Variants in KANTR observed in about 807,000 individuals in gnomAD.
KANTR encodes the protein KANTR integral membrane protein.
chrX:53,112,437 G>T (rs973818539), intron 2 of KANTR, among the ~76,000 whole-genome samples: 1 of 112,050 alleles, frequency 8.9e-6, no homozygotes, highest in South Asian at 3.7e-4. Flanking sequence ...ATAAACATGC[G>T]TGTGCAAGTG....
intron 2 of KANTR, among the ~76,000 whole-genome samples, chrX:53,118,122 G>A (rs1408928288): frequency 9.0e-6 from 1 of 111,385 alleles, no homozygotes; most frequent in Non-Finnish European, 1.9e-5. Context: ...GCATTCTTAG[G>A]TGTATCTCCT....
chrX:53,129,268 T>TGTGTGTGTGTGTGTGTGTGTGTGTGTGTG (rs1569239787), downstream of KANTR, among the ~76,000 whole-genome samples: 1 of 106,402 alleles, frequency 9.4e-6, no homozygotes, highest in African/African-American at 3.4e-5. Flanking sequence ...TGTGTGTGTG[T>TGTGTGTGTGTGTGTGTGTGTGTGTGTGTG]TTAGTAGAGA....
At chrX:53,135,383 TGTCCCCCAGTCCTA>T (rs1933408460) in intron 2 of KANTR, among the ~76,000 whole-genome samples, 1 of 111,857 alleles carries the variant, frequency 8.9e-6, no homozygotes, top group South Asian at 3.7e-4. Context: ...TCCCTCCTTT[TGTCCCCCAGTCCTA>T]GTGTCCCTAT....
chrX:53,107,158 G>T (rs1226352520), intron 2 of KANTR, among the ~76,000 whole-genome samples: 1 of 107,934 alleles, frequency 9.3e-6, no homozygotes, highest in African/African-American at 3.5e-5. Flanking sequence ...ATTTTCATAG[G>T]AATTTTAGGA....
intron 2 of KANTR, among the ~76,000 whole-genome samples, chrX:53,109,916 G>A (rs1376681679): frequency 9.1e-6 from 1 of 109,947 alleles, no homozygotes; most frequent in Non-Finnish European, 1.9e-5. Flanking sequence ...ACCATGCCTG[G>A]CTAAGTTTTA....
At chrX:53,113,943 G>C (rs914512308) in intron 2 of KANTR, among the ~76,000 whole-genome samples, 6 of 109,995 alleles carry the variant, frequency 5.5e-5, no homozygotes, top group African/African-American at 2.0e-4. Context: ...CTGTCACCCA[G>C]GCTGGAGTGC....
chrX:53,143,850 C>G (rs140339674), downstream of KANTR: 1,048 of 474,446 alleles, frequency 2.2e-3, 1 homozygote, highest in Non-Finnish European at 1.4e-3. Flanking sequence ...CCATCCCCAG[C>G]AAAGCCAGCT....
At chrX:53,114,919 G>A (rs1265033535) in intron 2 of KANTR, among the ~76,000 whole-genome samples, 2 of 110,367 alleles carry the variant, frequency 1.8e-5, no homozygotes, top group Admixed American at 9.6e-5. Flanking sequence ...TTGGCCATGA[G>A]GACCACCCTG....
At position 53,108,694 on chromosome X, in the gene KANTR, C is replaced by A. The variant is rs782026022; in HGVS notation, c.-805+9086C>A. On this transcript the variant is annotated intron_variant, in intron 2 of 2. Coordinates refer to ENST00000604062, the Ensembl canonical transcript of KANTR. The stretch of plus-strand genomic sequence containing the variant: ...TAGAGATAGTTTCACTTTTTTCTTT[C>A]CTGTCTGAATGCCTTTTTTTTTTTG... Among the ~76,000 whole-genome samples, 3 of 93,949 alleles carry A rather than the reference C, an allele frequency of 3.2e-5. No individual in the cohort carries two copies. In the South Asian group the frequency reaches 1.7e-3, roughly 52 times the overall value. 81.6% of individuals were successfully genotyped at this position (93,949 alleles called of 115,157 possible).
chrX:53,103,123 T>C (rs1414498876), intron 2 of KANTR, among the ~76,000 whole-genome samples: 1 of 109,158 alleles, frequency 9.2e-6, no homozygotes, highest in Non-Finnish European at 1.9e-5. Context: ...TAGCTGAGAT[T>C]ACAGGCGCCT....
At chrX:53,132,555 A>T (rs1933372185) in intron 2 of KANTR, among the ~76,000 whole-genome samples, 1 of 112,365 alleles carries the variant, frequency 8.9e-6, no homozygotes, top group South Asian at 3.6e-4. Context: ...AAAAAGCTGG[A>T]TCATGCCAAG....
At chrX:53,132,150 A>G (rs1556817106), downstream of KANTR, among the ~76,000 whole-genome samples, 1 of 112,269 alleles carries the variant, frequency 8.9e-6, no homozygotes, top group Non-Finnish European at 1.9e-5. Context: ...AAAACTTAGT[A>G]TTGTTATGAT....
At chrX:53,109,152 A>ATGACC (rs1569235336) in intron 2 of KANTR, among the ~76,000 whole-genome samples, 1 of 112,573 alleles carries the variant, frequency 8.9e-6, no homozygotes, top group Non-Finnish European at 1.9e-5. Flanking sequence ...TTTCCAATTC[A>ATGACC]TGACCACAGG....
At chrX:53,106,675 T>C in intron 2 of KANTR, among the ~76,000 whole-genome samples, 1 of 110,908 alleles carries the variant, frequency 9.0e-6, no homozygotes, top group Admixed American at 9.5e-5. Flanking sequence ...GTGCTGGGAT[T>C]ACAGACATAC....
intron 1 of KANTR, among the ~76,000 whole-genome samples, chrX:53,096,667 A>C (rs782098535): frequency 9.1e-6 from 1 of 109,752 alleles, no homozygotes. Context: ...CTCTACAAAA[A>C]ATACAAAAAT....
rs1361160182 is a variant in KANTR, at chrX:53,140,689, C to CA, written n.204-1152dup. On this transcript the variant is annotated intron_variant and non_coding_transcript_variant, in intron 2 of 2. Coordinates refer to the KANTR transcript ENST00000366185. ...CCTCCAAATTAGAAGTTTCCAAGGGCAAAAAAAGTGCAAGCCTTCTCTCAT... is the reference window on the plus strand; with the variant it reads ...CCTCCAAATTAGAAGTTTCCAAGGGCAAAAAAAAGTGCAAGCCTTCTCTCAT... Among the ~76,000 whole-genome samples, 3 of 110,089 alleles carry CA rather than the reference C, an allele frequency of 2.7e-5. No individual in the cohort carries two copies. In the Admixed American group the frequency reaches 2.9e-4, roughly 11 times the overall value.
At chrX:53,103,432 C>T (rs1384800777) in intron 2 of KANTR, among the ~76,000 whole-genome samples, 1 of 111,094 alleles carries the variant, frequency 9.0e-6, no homozygotes, top group African/African-American at 3.3e-5. Context: ...TGAACATTTT[C>T]ACTCCCTTTC....
intron 2 of KANTR, among the ~76,000 whole-genome samples, chrX:53,135,701 A>G (rs2146754517): frequency 8.9e-6 from 1 of 112,049 alleles, no homozygotes; most frequent in East Asian, 2.8e-4. Flanking sequence ...AGACCTCCCC[A>G]TGCCATTTGT....
At chrX:53,123,218 T>G (rs1401461149) in intron 2 of KANTR, among the ~76,000 whole-genome samples, 2 of 110,114 alleles carry the variant, frequency 1.8e-5, no homozygotes, top group Admixed American at 9.7e-5. Flanking sequence ...TAATGATGCA[T>G]TCTTCAAATT....
Sources: gnomAD v4.1 joint callset for allele counts (sites outside exome capture counted in the v4.1 genomes callset) on GRCh38, gnomAD v4.1.1 for gene constraint, MANE v1.5 for transcripts, NCBI Gene and HGNC (gene_info 2026-07-23, HGNC 2026-07-21) for gene names.